The following ADAM2 variants were observed in gnomAD, a reference collection of about 807,000 sequenced individuals.
ADAM2 encodes ADAM metallopeptidase domain 2, also known as disintegrin and metalloproteinase domain-containing protein 2.
ADAM2 carries 101 observed loss-of-function variants against 99.3 expected under a neutral mutation model. That is an observed-to-expected ratio of 1.02 (90% CI 0.87 to 1.20). The LOEUF is 1.20. Ranked by LOEUF, ADAM2 falls within the 50% of genes most tolerant of loss-of-function variation. The pLI, the probability that ADAM2 is intolerant of heterozygous loss-of-function variation, is 0.00. For synonymous variants in ADAM2, 323 were observed against 287.6 expected (o/e 1.12, Z -1.25); for missense variants, 948 against 878.7 (o/e 1.08, Z -1.00).
At chr8:39,807,619 T>G (rs1804494030) in intron 7 of ADAM2, among the ~76,000 whole-genome samples, 1 of 152,116 alleles carries the variant, frequency 6.6e-6, no homozygotes, top group Admixed American at 6.5e-5. Context: ...TGGGAAGAGA[T>G]ACTAGAGAGT....
intron 19 of ADAM2, among the ~76,000 whole-genome samples, chr8:39,745,998 T>C (rs931043673): frequency 2.2e-5 from 3 of 135,860 alleles, no homozygotes; most frequent in African/African-American, 8.4e-5. Context: ...TGTGTGTGTG[T>C]GTGTGCATGT....
chr8:39,784,810 G>T (rs1214887598), intron 10 of ADAM2, among the ~76,000 whole-genome samples: 1 of 152,110 alleles, frequency 6.6e-6, no homozygotes, highest in Non-Finnish European at 1.5e-5. Flanking sequence ...AATTTTTGTT[G>T]AGCATTTTCT....
intron 7 of ADAM2, among the ~76,000 whole-genome samples, chr8:39,792,732 G>A (rs928262944): frequency 8.6e-5 from 13 of 151,996 alleles, no homozygotes; most frequent in African/African-American, 3.1e-4. Context: ...TGAAAGGACT[G>A]CAAATCAATT....
At chr8:39,823,548 A>G (rs1289066628) in intron 4 of ADAM2, among the ~76,000 whole-genome samples, 1 of 150,940 alleles carries the variant, frequency 6.6e-6, no homozygotes, top group East Asian at 1.9e-4. Flanking sequence ...TTTTAACTGT[A>G]CATTTATCTT....
chr8:39,797,884 T>C (rs113780651), intron 7 of ADAM2, among the ~76,000 whole-genome samples: 2,199 of 152,352 alleles, frequency 0.014, 59 homozygotes, highest in African/African-American at 0.05. Flanking sequence ...TTTTTGCACA[T>C]TGATTTTGTA....
intron 7 of ADAM2, among the ~76,000 whole-genome samples, chr8:39,802,362 C>T (rs893472622): frequency 3.3e-5 from 5 of 152,050 alleles, no homozygotes; most frequent in Admixed American, 6.5e-5. Context: ...GAAGGATTCA[C>T]AAGCCTCTTA....
intron 7 of ADAM2, among the ~76,000 whole-genome samples, chr8:39,798,470 T>A (rs190809921): frequency 6.6e-6 from 1 of 152,360 alleles, no homozygotes; most frequent in East Asian, 1.9e-4. Flanking sequence ...TTTGCATTGA[T>A]GTTCATCAGG....
intron 7 of ADAM2, among the ~76,000 whole-genome samples, chr8:39,797,418 G>C (rs1350490617): frequency 2.6e-5 from 4 of 152,050 alleles, no homozygotes; most frequent in Non-Finnish European, 4.4e-5. Context: ...ATGTCTGCTT[G>C]GTACCAGTAC....
At position 39,767,242 on chromosome 8, in the gene ADAM2, G is replaced by A. The variant is rs144900135; in HGVS notation, c.1222C>T (p.Leu408Phe). ...ATATCACAGCATGTTTCTCCAATAAGGGCACAATCCTGTAAGGCAAATCAA... is the reference window on the plus strand; with the variant it reads ...ATATCACAGCATGTTTCTCCAATAAAGGCACAATCCTGTAAGGCAAATCAA... ...CDCGTEQDCA[L>F]IGETCCDIAT... The change falls in exon 13 of 21, where the codon CTT becomes TTT. Residue 408 changes from leucine (L) to phenylalanine (F), a missense_variant. Physicochemically the swap from Leu to Phe is conservative, Grantham distance 22. Transcript: ENST00000265708. 4.0e-5 allele frequency: 64 copies of A among 1,606,144 alleles called. No homozygotes were observed. Among genetic ancestry groups the A allele is most frequent in the Non-Finnish European group, 5.0e-5 (59 of 1,177,808 alleles).
At chr8:39,810,205 T>C (rs577185853) in intron 6 of ADAM2, among the ~76,000 whole-genome samples, 1 of 152,044 alleles carries the variant, frequency 6.6e-6, no homozygotes, top group Admixed American at 6.6e-5. Flanking sequence ...TACATAATGG[T>C]AAAGTGATCA....
chr8:39,834,533 G>T (rs769136418), intron 2 of ADAM2, among the ~76,000 whole-genome samples: 1 of 151,858 alleles, frequency 6.6e-6, no homozygotes, highest in Non-Finnish European at 1.5e-5. Flanking sequence ...AAGATTTTGA[G>T]ACCAGCCTGA....
In ADAM2 at chr8:39,819,957, G is replaced by A. The variant is rs1056229766; in HGVS notation, c.513+1045C>T. On this transcript the variant is annotated intron_variant, in intron 6 of 20. Coordinates refer to ENST00000265708, the MANE Select transcript of ADAM2 (RefSeq NM_001464.5). Reference sequence around the variant, plus strand: ...TCTTAAGCGGACATCTTCTGAATTGGTGCTGGGGTTTTGGGAATTTGCCTT... The same window carrying A: ...TCTTAAGCGGACATCTTCTGAATTGATGCTGGGGTTTTGGGAATTTGCCTT... Among the ~76,000 whole-genome samples the A allele has an allele frequency of 2.6e-5, 4 of 152,236 alleles. No homozygotes were observed. In the East Asian group the frequency reaches 5.8e-4, roughly 22 times the overall value.
At position 39,788,097 on chromosome 8, in the gene ADAM2, G is replaced by A; in HGVS notation, c.797C>T (p.Ala266Val). 1 of 1,527,596 alleles carries A rather than the reference G, an allele frequency of 6.5e-7. No homozygotes were observed. The highest frequency in any genetic ancestry group is 8.8e-7 in the Non-Finnish European group (1 of 1,141,054). The allele number at this position is 1,527,596 out of a possible 1,614,324, so 94.6% of individuals were successfully genotyped here. ...SYLVLRPHDVAFLLVYREKSN... is the reference protein window; with the variant it reads ...SYLVLRPHDVVFLLVYREKSN... ...AAGATATCCTTACACAAGTAAAAAT[G>A]CCACATCATGAGGACGTAAAACAAG... The change falls in exon 9 of 21, where the codon GCA becomes GTA. Residue 266 changes from alanine (A) to valine (V), a missense_variant. Transcript: ENST00000265708.
intron 7 of ADAM2, among the ~76,000 whole-genome samples, chr8:39,799,471 G>T (rs1419138976): frequency 6.6e-6 from 1 of 152,180 alleles, no homozygotes; most frequent in Non-Finnish European, 1.5e-5. Flanking sequence ...GTTGATTTTA[G>T]AATAAGTTCC....
At position 39,746,578 on chromosome 8, in the gene ADAM2, A is replaced by T; in HGVS notation, c.2068T>A (p.Phe690Ile). The T allele has an allele frequency of 6.2e-7, 1 of 1,608,094 alleles. No homozygotes were observed. The highest frequency in any genetic ancestry group is 8.5e-7 in the Non-Finnish European group (1 of 1,177,190). The change falls in exon 19 of 21, where the codon TTC becomes ATC. Residue 690 changes from phenylalanine to isoleucine, a missense_variant. Transcript: ENST00000265708. ...ATAATAAAGAAAGGAATGAATAAGA[A>T]AAATGGCCATCTCATTGGTTTGGAA... is the stretch of plus-strand genomic sequence containing the variant. The part of the protein sequence containing the change: ...YHSKPMRWPF[F>I]LFIPFFIIFC...
At chr8:39,785,809 A>G (rs1452814805) in intron 10 of ADAM2, among the ~76,000 whole-genome samples, 1 of 151,948 alleles carries the variant, frequency 6.6e-6, no homozygotes, top group Non-Finnish European at 1.5e-5. Context: ...AAAAAAAAAA[A>G]AAAAGAAAGA....
rs988414000 is a variant in ADAM2 at position 39,746,677 on chromosome 8, A to G, written c.2015-46T>C. The G allele has an allele frequency of 2.1e-6, 3 of 1,431,368 alleles. No individual in the cohort carries two copies. The African/African-American group carries it at 4.4e-5, about 21-fold the overall frequency. 88.7% of individuals were successfully genotyped at this position (1,431,368 alleles called of 1,614,324 possible). A position where few individuals can be genotyped will look rare whatever the true frequency, so the allele number is the denominator to read the frequency against. ...AGATTTGAAAGCAAGCACCAGAAAT[A>G]TAGTAAAGATATTTCTGTATTTTAC... On this transcript the variant is annotated intron_variant, in intron 18 of 20. Coordinates refer to ENST00000265708, the MANE Select transcript of ADAM2 (RefSeq NM_001464.5).
At chr8:39,812,646 G>C (rs952195311) in intron 6 of ADAM2, among the ~76,000 whole-genome samples, 4 of 152,168 alleles carry the variant, frequency 2.6e-5, no homozygotes, top group Admixed American at 2.0e-4. Flanking sequence ...TCTGATCTTT[G>C]ACAAACCTGA....
At chr8:39,766,501 G>C (rs1278324262) in intron 14 of ADAM2, among the ~76,000 whole-genome samples, 1 of 149,888 alleles carries the variant, frequency 6.7e-6, no homozygotes, top group South Asian at 2.1e-4. Flanking sequence ...GTGCAGTGGC[G>C]TGATCTCAGC....
Sources: gnomAD v4.1 joint callset for allele counts (sites outside exome capture counted in the v4.1 genomes callset) on GRCh38, gnomAD v4.1.1 for gene constraint, MANE v1.5 for transcripts, NCBI Gene and HGNC (gene_info 2026-07-23, HGNC 2026-07-21) for gene names.